FAR2: variants seen among roughly 807,000 people sequenced by gnomAD.
FAR2 encodes epididymis secretory protein Li 81.
In FAR2, 19 loss-of-function variants were observed where a neutral mutation model predicts 56.0. The ratio of observed to expected loss-of-function variants is 0.34; its 90% CI spans 0.24 to 0.50. FAR2 has a LOEUF of 0.50. Ranked by LOEUF, FAR2 falls within the 20% of genes least tolerant of loss-of-function variation. The probability of loss-of-function intolerance (pLI) is 0.98; values close to 1 mark genes in which losing one functional copy is unlikely to be tolerated. For missense variants in FAR2, 508 were observed against 642.2 expected (o/e 0.79, Z 2.26); for synonymous variants, 219 against 218.8 (o/e 1.00, Z -0.01).
chr12:29,207,121 A>G (rs960738311), intron 1 of FAR2, among the ~76,000 whole-genome samples: 6 of 152,182 alleles, frequency 3.9e-5, no homozygotes, highest in African/African-American at 1.4e-4. Flanking sequence ...TACCAGGCCA[A>G]GGAATTTGGA....
chr12:29,318,417 A>G (rs1949492059), intron 9 of FAR2, among the ~76,000 whole-genome samples: 1 of 152,258 alleles, frequency 6.6e-6, no homozygotes. Flanking sequence ...GGCCTGCATA[A>G]AGAACAAAGT....
chr12:29,249,006 C>G (rs941150572), intron 1 of FAR2, among the ~76,000 whole-genome samples: 1 of 152,144 alleles, frequency 6.6e-6, no homozygotes, highest in Admixed American at 6.5e-5. Flanking sequence ...ATTGCTCAAA[C>G]ACACATGCTG....
At chr12:29,333,386 C>A in intron 11 of FAR2, 1 of 435,836 alleles carries the variant, frequency 2.3e-6, no homozygotes, top group Non-Finnish European at 4.1e-6. Flanking sequence ...GCTAGTCATG[C>A]TTGTAAATAG....
chr12:29,245,774 C>T (rs1460170261), intron 1 of FAR2, among the ~76,000 whole-genome samples: 2 of 152,154 alleles, frequency 1.3e-5, no homozygotes, highest in African/African-American at 4.8e-5. Context: ...GGATTCTTTG[C>T]TTTCCTCCCA....
chr12:29,190,004 A>T (rs1250026483), intron 1 of FAR2, among the ~76,000 whole-genome samples: 2 of 152,086 alleles, frequency 1.3e-5, no homozygotes, highest in Admixed American at 6.5e-5. Context: ...AAATAGAAGG[A>T]TGAAGGACAA....
intron 2 of FAR2, chr12:29,277,843 T>C (rs1591921084): frequency 6.6e-6 from 1 of 152,166 alleles, no homozygotes; most frequent in South Asian, 2.1e-4. Context: ...AATAGACATT[T>C]AAGAAGAAAT....
chr12:29,321,810 G>T lies in FAR2; in HGVS notation c.1143G>T (p.Met381Ile). 1.2e-6 allele frequency: 2 copies of T among 1,613,488 alleles called. No homozygotes were observed. The highest frequency in any genetic ancestry group is 2.2e-5 in the South Asian group (2 of 91,022). ...GTTATCTCAGGATGACAAAGCTCAT[G>T]AATCGGCTTTTAAGAACTGTTTCCA... ...TGRKPRMTKL[M>I]NRLLRTVSML... Residue 381 changes from methionine to isoleucine, a missense_variant, in exon 10 of 12, where the codon ATG becomes ATT. By Grantham distance (10) the Met-to-Ile change is conservative (BLOSUM62 1). Coordinates refer to ENST00000536681, the MANE Select transcript of FAR2 (RefSeq NM_001271783.2).
At chr12:29,225,053 T>C (rs993448423) in intron 1 of FAR2, among the ~76,000 whole-genome samples, 2 of 152,096 alleles carry the variant, frequency 1.3e-5, no homozygotes, top group Non-Finnish European at 2.9e-5. Flanking sequence ...CTTGGCAACA[T>C]AGCAAGATGC....
At chr12:29,150,029 A>C (rs1053196552) in intron 1 of FAR2, among the ~76,000 whole-genome samples, 7 of 152,152 alleles carry the variant, frequency 4.6e-5, no homozygotes, top group Non-Finnish European at 1.5e-5. Context: ...GCGACTGGTG[A>C]GGCCAGGGCG....
At chr12:29,247,443 C>A (rs1347135389) in intron 1 of FAR2, among the ~76,000 whole-genome samples, 1 of 152,032 alleles carries the variant, frequency 6.6e-6, no homozygotes, top group Admixed American at 6.6e-5. Flanking sequence ...GTAATTTGTG[C>A]AATGATGTTG....
At chr12:29,271,060 G>A (rs1471202021) in intron 2 of FAR2, among the ~76,000 whole-genome samples, 2 of 152,142 alleles carry the variant, frequency 1.3e-5, no homozygotes, top group Non-Finnish European at 2.9e-5. Flanking sequence ...CTACTAAGTA[G>A]CCATGCAGTG....
At chr12:29,190,392 G>C (rs1469109882) in intron 1 of FAR2, among the ~76,000 whole-genome samples, 1 of 151,966 alleles carries the variant, frequency 6.6e-6, no homozygotes, top group Non-Finnish European at 1.5e-5. Context: ...AGCAGAGGAG[G>C]AGCCAGCAGA....
chr12:29,163,758 G>A (rs1949801922), intron 1 of FAR2, among the ~76,000 whole-genome samples: 2 of 152,190 alleles, frequency 1.3e-5, no homozygotes, highest in South Asian at 2.1e-4. Context: ...AGACAGATTC[G>A]TGGATAGAAT....
chr12:29,186,755 A>ATTTATTATTTAT (rs1481530321), intron 1 of FAR2, among the ~76,000 whole-genome samples: 81 of 46,360 alleles, frequency 1.7e-3, no homozygotes, highest in Middle Eastern at 0.011. Context: ...TTCTTTATTT[A>ATTTATTATTTAT]TTATTTATTT....
chr12:29,218,751 GA>G lies in FAR2; in HGVS notation c.-38-51659del, dbSNP rs1276659718. Among the ~76,000 whole-genome samples the G allele has an allele frequency of 2.0e-5, 3 of 152,232 alleles. No individual in the cohort carries two copies. In the East Asian group the frequency reaches 5.8e-4, roughly 29 times the overall value. On this transcript the variant is annotated intron_variant, in intron 1 of 11. Coordinates refer to ENST00000536681, the MANE Select transcript of FAR2 (RefSeq NM_001271783.2). ...CAGAGAAAAATCTTAAAAGCAGCTA[GA>G]AGGGGAAAAAGTTATATTTAGGAAA...
intron 1 of FAR2, among the ~76,000 whole-genome samples, chr12:29,209,811 T>G (rs1047463101): frequency 2.0e-5 from 3 of 152,176 alleles, no homozygotes; most frequent in African/African-American, 7.2e-5. Context: ...CAGCCCTGCC[T>G]CACAATACTC....
intron 11 of FAR2, 41 bp from the exon 12 acceptor site, chr12:29,333,591 T>C (rs1260150132): frequency 6.4e-7 from 1 of 1,565,714 alleles, no homozygotes; most frequent in Non-Finnish European, 8.7e-7. Context: ...TGGTTGGGTA[T>C]CTGGTAGTTT....
intron 1 of FAR2, among the ~76,000 whole-genome samples, chr12:29,232,047 G>GTC (rs1316606724): frequency 6.6e-6 from 1 of 152,220 alleles, no homozygotes; most frequent in East Asian, 1.9e-4. Context: ...GGGGTTGGGA[G>GTC]TCTCTCAAGG....
chr12:29,251,193 A>T (rs760227319), intron 1 of FAR2, among the ~76,000 whole-genome samples: 13 of 152,174 alleles, frequency 8.5e-5, no homozygotes, highest in Non-Finnish European at 1.6e-4. Context: ...ACTCATCAAA[A>T]CAGATAATCA....
Sources: allele counts gnomAD v4.1 joint callset (sites outside exome capture counted in the v4.1 genomes callset), GRCh38; gene constraint gnomAD v4.1.1; transcripts MANE v1.5; gene names NCBI Gene and HGNC (gene_info 2026-07-23, HGNC 2026-07-21).